TRIQK: variants seen among roughly 807,000 people sequenced by gnomAD.
TRIQK encodes the protein triple QxxK/R motif-containing protein.
TRIQK carries 10 observed loss-of-function variants against 10.8 expected under a neutral mutation model. That is an observed-to-expected ratio of 0.92 (90% CI 0.57 to 1.57). TRIQK has a LOEUF of 1.57. Ranked by LOEUF, TRIQK falls within the 40% of genes most tolerant of loss-of-function variation. TRIQK has a pLI of 0.00. For missense variants in TRIQK, 107 were observed against 97.7 expected (o/e 1.09, Z -0.40); for synonymous variants, 33 against 33.7 (o/e 0.98, Z 0.07).
chr8:92,989,377 T>C (rs1326768768), intron 1 of TRIQK, among the ~76,000 whole-genome samples: 1 of 152,174 alleles, frequency 6.6e-6, no homozygotes, highest in East Asian at 1.9e-4. Flanking sequence ...AGGTGAGCAA[T>C]GTGCAAGTGA....
At chr8:92,941,757 T>C (rs918994508) in intron 2 of TRIQK, among the ~76,000 whole-genome samples, 34 of 152,064 alleles carry the variant, frequency 2.2e-4, no homozygotes, top group African/African-American at 7.7e-4. Context: ...GGCATTGCAC[T>C]GAAATCACAA....
intron 1 of TRIQK, among the ~76,000 whole-genome samples, chr8:92,964,055 A>T (rs1812600407): frequency 6.6e-6 from 1 of 152,160 alleles, no homozygotes; most frequent in Non-Finnish European, 1.5e-5. Flanking sequence ...CAAATAACTG[A>T]ACATTAGTAG....
chr8:92,945,795 A>C (rs894066717), intron 2 of TRIQK, among the ~76,000 whole-genome samples: 7 of 152,218 alleles, frequency 4.6e-5, no homozygotes, highest in Non-Finnish European at 1.0e-4. Context: ...AAATACAGTT[A>C]ATTATCAATT....
chr8:92,914,610 A>G (rs1053779507), intron 3 of TRIQK, among the ~76,000 whole-genome samples: 1 of 152,186 alleles, frequency 6.6e-6, no homozygotes, highest in African/African-American at 2.4e-5. Context: ...TCCAAAGAAA[A>G]TGGAGAAAAT....
chr8:92,997,592 A>G (rs1813165419), intron 1 of TRIQK, among the ~76,000 whole-genome samples: 1 of 152,082 alleles, frequency 6.6e-6, no homozygotes. Flanking sequence ...ATTTTGAAAC[A>G]TTGAAGAATA....
intron 2 of TRIQK, among the ~76,000 whole-genome samples, chr8:92,939,927 C>T (rs1811184297): frequency 6.6e-6 from 1 of 152,142 alleles, no homozygotes; most frequent in Non-Finnish European, 1.5e-5. Context: ...CCTTGCCCAA[C>T]CACAGATCCC....
chr8:92,948,982 G>A (rs981940447), intron 2 of TRIQK, among the ~76,000 whole-genome samples: 1 of 152,156 alleles, frequency 6.6e-6, no homozygotes, highest in Non-Finnish European at 1.5e-5. Context: ...GGCCAAAGGT[G>A]GCCAACTGTT....
rs964472575 is a variant in TRIQK at position 92,886,105 on chromosome 8, T to C, written c.*517A>G. The C allele has an allele frequency of 6.6e-6, 1 of 151,760 alleles. No individual in the cohort carries two copies. Among genetic ancestry groups the C allele is most frequent in the African/African-American group, 2.4e-5 (1 of 41,362 alleles). 9.4% of individuals were successfully genotyped at this position (151,760 alleles called of 1,614,324 possible). On this transcript the variant is annotated 3_prime_UTR_variant, in exon 5 of 5. Coordinates refer to ENST00000521988, the MANE Select transcript of TRIQK (RefSeq NM_001171797.2). Reference sequence around the variant, plus strand: ...ACAGTTGGCAAAGAAGGAAAAAGATTATGGTAGATGTATGTGCAGATAGTC... The same window carrying C: ...ACAGTTGGCAAAGAAGGAAAAAGATCATGGTAGATGTATGTGCAGATAGTC...
rs565278958 is a variant in TRIQK at position 92,990,001 on chromosome 8, T to A, written c.-181+27608A>T. Among the ~76,000 whole-genome samples the A allele has an allele frequency of 3.0e-3, 451 of 152,072 alleles. 4 individuals are homozygous for A. Among genetic ancestry groups the A allele is most frequent in the Non-Finnish European group, 4.5e-3 (306 of 67,976 alleles). ...ACTTTAATAAAGAGTTACTAATAAG[T>A]GATTTAAAAAAATACTAAAACTTCA... On this transcript the variant is annotated intron_variant, in intron 1 of 4. Transcript: ENST00000520686.
intron 2 of TRIQK, among the ~76,000 whole-genome samples, chr8:92,947,587 G>GAAA (rs35808197): frequency 2.9e-4 from 18 of 61,408 alleles, no homozygotes; most frequent in South Asian, 8.7e-4. Context: ...TCCGCCTCAG[G>GAAA]AAAAAAAAAA....
chr8:92,954,136 G>A (rs1044203562), intron 2 of TRIQK: 3 of 151,752 alleles, frequency 2.0e-5, no homozygotes, highest in Non-Finnish European at 2.9e-5. Flanking sequence ...ACAGACAATT[G>A]ATAATACTAA....
intron 1 of TRIQK, among the ~76,000 whole-genome samples, chr8:93,014,148 T>C (rs1233241478): frequency 6.6e-6 from 1 of 152,092 alleles, no homozygotes; most frequent in East Asian, 1.9e-4. Flanking sequence ...TTGCATTCTG[T>C]TGTGACAAAT....
At chr8:92,915,319 T>C (rs2069517766) in intron 3 of TRIQK, among the ~76,000 whole-genome samples, 1 of 152,168 alleles carries the variant, frequency 6.6e-6, no homozygotes, top group Admixed American at 6.5e-5. Flanking sequence ...AATATTGTAT[T>C]GTACACTGGA....
At chr8:92,963,456 T>C (rs1271684784) in intron 1 of TRIQK, 4 of 151,544 alleles carry the variant, frequency 2.6e-5, no homozygotes, top group Admixed American at 2.6e-4. Flanking sequence ...TAAAAGATTA[T>C]TCACTTAAGT....
chr8:92,888,183 C>G (rs1294747562), intron 4 of TRIQK, among the ~76,000 whole-genome samples: 1 of 151,626 alleles, frequency 6.6e-6, no homozygotes, highest in Non-Finnish European at 1.5e-5. Context: ...TAGTGGACAA[C>G]AAAACTGTTC....
At chr8:92,895,014 C>A (rs1239395464) in intron 3 of TRIQK, among the ~76,000 whole-genome samples, 1 of 152,152 alleles carries the variant, frequency 6.6e-6, no homozygotes, top group Non-Finnish European at 1.5e-5. Context: ...GAGGTGGGAT[C>A]TGTAAGAGGA....
intron 1 of TRIQK, among the ~76,000 whole-genome samples, chr8:93,000,388 T>G (rs1442258087): frequency 6.6e-6 from 1 of 152,190 alleles, no homozygotes; most frequent in Non-Finnish European, 1.5e-5. Context: ...AAGGCACATC[T>G]TACATGGTGG....
intron 2 of TRIQK, among the ~76,000 whole-genome samples, chr8:92,930,727 T>C (rs1473626155): frequency 6.6e-6 from 1 of 152,172 alleles, no homozygotes; most frequent in East Asian, 1.9e-4. Context: ...CAAAGAGTAA[T>C]TGAAAACGGG....
chr8:92,982,627 A>G (rs1812996751), intron 1 of TRIQK, among the ~76,000 whole-genome samples: 1 of 152,002 alleles, frequency 6.6e-6, no homozygotes, highest in African/African-American at 2.4e-5. Flanking sequence ...ATATTTTGCT[A>G]TTGTTAAATG....
Sources: allele counts gnomAD v4.1 joint callset (sites outside exome capture counted in the v4.1 genomes callset), GRCh38; gene constraint gnomAD v4.1.1; transcripts MANE v1.5; gene names NCBI Gene and HGNC (gene_info 2026-07-23, HGNC 2026-07-21).